Variants in TMOD1 observed in about 807,000 individuals in gnomAD.
The protein encoded by TMOD1 is tropomodulin 1.
A neutral mutation model predicts 40.6 loss-of-function variants in TMOD1; 17 were observed. The ratio of observed to expected loss-of-function variants is 0.42; its 90% confidence interval spans 0.29 to 0.63. The LOEUF (loss-of-function observed/expected upper bound fraction) is 0.63, where lower values mean the gene tolerates loss of function less well. TMOD1 is among the 20% of genes least tolerant of loss of function. The pLI is 0.22. For missense variants in TMOD1, 391 were observed against 447.6 expected, an observed-to-expected ratio of 0.87 and a Z score of 1.14; for synonymous variants, 181 against 175.0, an observed-to-expected ratio of 1.03 and a Z score of -0.27.
rs774128773 is a variant in TMOD1 at position 97,502,285 on chromosome 9, G to C, written c.-49+482G>C. On this transcript the variant is annotated intron_variant, in intron 1 of 9. Transcript: ENST00000259365. This position sits in a 1 kb window ranked among gnomAD's most constrained non-coding sequence, Gnocchi z 6.1. ...CCTGCAAGAGTCTGGGGGTGGGAGTGGGGGAGTAAAGGCTCGACTGGACGT... is the reference window on the plus strand; with the variant it reads ...CCTGCAAGAGTCTGGGGGTGGGAGTCGGGGAGTAAAGGCTCGACTGGACGT... Among the ~76,000 whole-genome samples the C allele has an allele frequency of 1.3e-5, 2 of 152,182 alleles. No individual in the cohort carries two copies. Among genetic ancestry groups the C allele is most frequent in the Non-Finnish European group, 1.5e-5 (1 of 68,032 alleles).
intron 1 of TMOD1, among the ~76,000 whole-genome samples, chr9:97,518,841 T>C (rs1421131819): frequency 1.3e-5 from 2 of 152,180 alleles, no homozygotes; most frequent in African/African-American, 4.8e-5. Flanking sequence ...GAATTTAGTG[T>C]AGAGGGAACC....
intron 2 of TMOD1, among the ~76,000 whole-genome samples, chr9:97,542,485 A>G (rs1830288305): frequency 6.6e-6 from 1 of 152,212 alleles, no homozygotes. Context: ...AATCTGTATT[A>G]TATAACATGT....
chr9:97,581,126 C>T (rs943798081), intron 8 of TMOD1, among the ~76,000 whole-genome samples: 9 of 142,870 alleles, frequency 6.3e-5, no homozygotes, highest in African/African-American at 7.8e-5. Flanking sequence ...GTATATCTCC[C>T]GATGCTATCC....
chr9:97,601,686 G>A lies in TMOD1; in HGVS notation c.*1988G>A. Reference sequence around the variant, plus strand: ...GTTGCAACTATTCAACTCTGCCATAGATCATGTGTAAAGGAATGGGTGTGG... The same window carrying A: ...GTTGCAACTATTCAACTCTGCCATAAATCATGTGTAAAGGAATGGGTGTGG... On this transcript the variant is annotated 3_prime_UTR_variant, in exon 10 of 10. Coordinates refer to ENST00000259365, the MANE Select transcript of TMOD1 (RefSeq NM_003275.4). The A allele has an allele frequency of 1.7e-6, 1 of 597,064 alleles. No homozygotes were observed. The highest frequency in any genetic ancestry group is 2.1e-6 in the Non-Finnish European group (1 of 474,464). 37.0% of individuals were successfully genotyped at this position (597,064 alleles called of 1,614,324 possible).
Position 97,601,235 on chromosome 9 carries a change from T to TA in TMOD1, c.*1540dup. On this transcript the variant is annotated 3_prime_UTR_variant, in exon 10 of 10. Transcript: ENST00000259365. ...ATCGCTGAAAACTGCAATATAATAT[T>TA]AAATCTGTTGGTCTATGCATGGCTG... The TA allele has an allele frequency of 7.9e-7, 1 of 1,263,770 alleles. No individual in the cohort carries two copies. Among genetic ancestry groups the TA allele is most frequent in the Non-Finnish European group, 1.0e-6 (1 of 966,568 alleles). The allele number at this position is 1,263,770 out of a possible 1,614,324, so 78.3% of individuals were successfully genotyped here.
intron 8 of TMOD1, among the ~76,000 whole-genome samples, chr9:97,581,905 C>A (rs994950507): frequency 4.7e-5 from 7 of 149,442 alleles, no homozygotes; most frequent in African/African-American, 1.7e-4. Context: ...AGCCCTTTGT[C>A]AGATGAGTAG....
chr9:97,601,351 CCTCAGTAAGAATGTGTCATG>C lies in TMOD1; in HGVS notation c.*1654_*1673del. The C allele has an allele frequency of 8.8e-7, 1 of 1,130,948 alleles. No individual in the cohort carries two copies. Among genetic ancestry groups the C allele is most frequent in the Non-Finnish European group, 1.1e-6 (1 of 909,632 alleles). 70.1% of individuals were successfully genotyped at this position (1,130,948 alleles called of 1,614,324 possible). A position where few individuals can be genotyped will look rare whatever the true frequency, so the allele number is the denominator to read the frequency against. The stretch of plus-strand genomic sequence containing the variant: ...CAGCCACCATGGCAGTGCTGGATGA[CCTCAGTAAGAATGTGTCATG>C]TATTCCAGGTGCTGATCTAAAAACT... On this transcript the variant is annotated 3_prime_UTR_variant, in exon 10 of 10. Transcript: ENST00000259365.
At chr9:97,586,770 A>G (rs1369248368) in intron 8 of TMOD1, among the ~76,000 whole-genome samples, 8 of 152,210 alleles carry the variant, frequency 5.3e-5, no homozygotes, top group African/African-American at 2.4e-5. Flanking sequence ...CCGATTTTCC[A>G]GGTGCCGTCC....
At chr9:97,508,299 C>T (rs1301026335) in intron 1 of TMOD1, among the ~76,000 whole-genome samples, 1 of 152,080 alleles carries the variant, frequency 6.6e-6, no homozygotes, top group Non-Finnish European at 1.5e-5. Context: ...AGCAATTCTC[C>T]TATCTCAGCC....
chr9:97,564,886 C>G (rs1397109408), intron 6 of TMOD1, among the ~76,000 whole-genome samples: 1 of 152,118 alleles, frequency 6.6e-6, no homozygotes, highest in African/African-American at 2.4e-5. Context: ...TAGAAGCCAG[C>G]CCCCCATGCC....
chr9:97,600,453 T>G lies in TMOD1; in HGVS notation c.*755T>G. 1 of 985,590 alleles carries G rather than the reference T, an allele frequency of 1.0e-6. No homozygotes were observed. Among genetic ancestry groups the G allele is most frequent in the South Asian group, 4.7e-5 (1 of 21,296 alleles). 61.1% of individuals were successfully genotyped at this position (985,590 alleles called of 1,614,324 possible). ...TACAATTTAATACTGGAGTTAGAACTTTTTCCTTATTGAATGCCAACCTTA... is the reference window on the plus strand; with the variant it reads ...TACAATTTAATACTGGAGTTAGAACGTTTTCCTTATTGAATGCCAACCTTA... On this transcript the variant is annotated 3_prime_UTR_variant, in exon 10 of 10. Coordinates refer to ENST00000259365, the MANE Select transcript of TMOD1 (RefSeq NM_003275.4).
At chr9:97,545,287 G>A (rs542423571) in intron 2 of TMOD1, among the ~76,000 whole-genome samples, 151 of 152,356 alleles carry the variant, frequency 9.9e-4, no homozygotes, top group Non-Finnish European at 1.8e-3. Flanking sequence ...GGGAGAGTGT[G>A]TGCACTGATG....
chr9:97,590,091 T>C lies in TMOD1; in HGVS notation c.871-1200T>C, dbSNP rs577833760. On this transcript the variant is annotated intron_variant, in intron 8 of 9. Transcript: ENST00000259365. ...TTTTTTTCTTTCCATTCAATATTGG[T>C]TCATGGCCATCTTTACATGCTATGG... Among the ~76,000 whole-genome samples the C allele has an allele frequency of 5.9e-5, 9 of 152,202 alleles. No individual in the cohort carries two copies. The South Asian group carries it at 1.9e-3, about 32-fold the overall frequency.
At chr9:97,589,470 A>G (rs1825956155) in intron 8 of TMOD1, among the ~76,000 whole-genome samples, 2 of 150,862 alleles carry the variant, frequency 1.3e-5, no homozygotes, top group African/African-American at 4.9e-5. Context: ...TAGTAGAGAC[A>G]GTGTTTCACC....
chr9:97,505,597 T>C (rs542595317), intron 1 of TMOD1, among the ~76,000 whole-genome samples: 50 of 152,076 alleles, frequency 3.3e-4, no homozygotes, highest in African/African-American at 9.2e-4. Flanking sequence ...CTACCCCTAT[T>C]CTCTTTCCAC....
chr9:97,559,804 T>TCG (rs1563990663), intron 4 of TMOD1, among the ~76,000 whole-genome samples: 1 of 30,540 alleles, frequency 3.3e-5, no homozygotes, highest in Non-Finnish European at 6.3e-5. Context: ...AATATATATA[T>TCG]ATATATATAT....
At chr9:97,571,572 G>A (rs1472490133) in intron 8 of TMOD1, among the ~76,000 whole-genome samples, 1 of 152,220 alleles carries the variant, frequency 6.6e-6, no homozygotes, top group Non-Finnish European at 1.5e-5. Flanking sequence ...GGTACTTTGT[G>A]TCTATTATCT....
chr9:97,598,968 T>C (rs1261862041), intron 9 of TMOD1, among the ~76,000 whole-genome samples: 1 of 152,064 alleles, frequency 6.6e-6, no homozygotes, highest in Non-Finnish European at 1.5e-5. Flanking sequence ...TTCAAAACAC[T>C]CTCCCTTGTT....
At chr9:97,555,753 C>T in intron 4 of TMOD1, 1 of 1,415,598 alleles carries the variant, frequency 7.1e-7, no homozygotes, top group Non-Finnish European at 9.8e-7. Context: ...TTGACCAAAA[C>T]AATCCTATGA....
Sources: gnomAD v4.1 joint callset for allele counts (sites outside exome capture counted in the v4.1 genomes callset) on GRCh38, gnomAD v4.1.1 for gene constraint, Gnocchi (gnomAD v3.1) non-coding constraint, MANE v1.5 for transcripts, NCBI Gene and HGNC (gene_info 2026-07-23, HGNC 2026-07-21) for gene names.